Variants in ATF7IP observed in about 807,000 individuals in gnomAD.
ATF7IP encodes the protein activating transcription factor 7-interacting protein 1.
In ATF7IP, 23 loss-of-function variants were observed where a neutral mutation model predicts 106.4. The observed-to-expected ratio is 0.22, with a 90% CI of 0.16 to 0.31. ATF7IP has a LOEUF of 0.31. ATF7IP is among the 10% of genes least tolerant of loss of function. The pLI is 1.00. For synonymous variants in ATF7IP, 542 were observed against 539.0 expected (o/e 1.01, Z -0.08); for missense variants, 1,334 against 1,524.3 (o/e 0.88, Z 2.08).
At chr12:14,370,460 C>G (rs949574615) in intron 1 of ATF7IP, among the ~76,000 whole-genome samples, 1 of 152,064 alleles carries the variant, frequency 6.6e-6, no homozygotes, top group Non-Finnish European at 1.5e-5. Flanking sequence ...TTCTATTTTA[C>G]AATTTTCATA....
Position 14,456,545 on chromosome 12 carries a change from T to G in ATF7IP, c.1996-16T>G, listed in dbSNP as rs1943431969. 4.4e-6 allele frequency: 7 copies of G among 1,598,116 alleles called. No individual in the cohort carries two copies. Among genetic ancestry groups the G allele is most frequent in the Non-Finnish European group, 6.0e-6 (7 of 1,168,610 alleles). On this transcript the variant is annotated splice_polypyrimidine_tract_variant and intron_variant, in intron 6 of 14. Transcript: ENST00000261168. ...GTTGAGTTTTATTTTTACCTTGATTTTTTTTTCTCCCCCAGCATCCACCCA... is the reference window on the plus strand; with the variant it reads ...GTTGAGTTTTATTTTTACCTTGATTGTTTTTTCTCCCCCAGCATCCACCCA...
chr12:14,494,331 ATATG>A (rs1321323850), intron 13 of ATF7IP, among the ~76,000 whole-genome samples: 39 of 90,566 alleles, frequency 4.3e-4, no homozygotes, highest in Middle Eastern at 5.7e-3. Context: ...ATATATATAT[ATATG>A]TGTGTGTGTA....
At chr12:14,475,836 A>G in intron 10 of ATF7IP, 54 bp from the exon 11 acceptor site, 4 of 1,429,078 alleles carry the variant, frequency 2.8e-6, no homozygotes, top group Non-Finnish European at 3.9e-6. Context: ...TCATTTTTTA[A>G]CACGTATATC....
intron 6 of ATF7IP, among the ~76,000 whole-genome samples, chr12:14,451,068 A>G (rs941173821): frequency 2.0e-5 from 3 of 151,782 alleles, no homozygotes; most frequent in African/African-American, 7.3e-5. Context: ...ATTACTGATT[A>G]AGTCTCCTTA....
intron 13 of ATF7IP, among the ~76,000 whole-genome samples, chr12:14,483,236 T>C (rs999152551): frequency 3.9e-5 from 6 of 152,218 alleles, no homozygotes; most frequent in African/African-American, 1.4e-4. Context: ...TTTTTATTGC[T>C]GCCTAAATTG....
At chr12:14,468,996 A>G (rs1943937672) in intron 10 of ATF7IP, among the ~76,000 whole-genome samples, 3 of 152,192 alleles carry the variant, frequency 2.0e-5, no homozygotes, top group South Asian at 2.1e-4. Context: ...TTTAAGTACA[A>G]TTGGCTAACT....
At chr12:14,411,369 A>T (rs1193888806) in intron 1 of ATF7IP, among the ~76,000 whole-genome samples, 2 of 152,096 alleles carry the variant, frequency 1.3e-5, no homozygotes, top group Admixed American at 1.3e-4. Flanking sequence ...GCTGATGACT[A>T]ATGATGTTTA....
intron 1 of ATF7IP, among the ~76,000 whole-genome samples, chr12:14,385,793 A>G (rs1364624590): frequency 6.6e-6 from 1 of 152,118 alleles, no homozygotes; most frequent in East Asian, 1.9e-4. Context: ...TTTTGCACAA[A>G]GACTACAATT....
At chr12:14,458,896 GA>G (rs1232218662) in intron 8 of ATF7IP, among the ~76,000 whole-genome samples, 2 of 151,374 alleles carry the variant, frequency 1.3e-5, no homozygotes, top group African/African-American at 4.8e-5. Context: ...TTGATCATTT[GA>G]AAACTATTCA....
intron 11 of ATF7IP, 98 bp from the exon 12 acceptor site, chr12:14,478,219 A>C (rs1944318733): frequency 8.9e-7 from 1 of 1,127,632 alleles, no homozygotes; most frequent in Admixed American, 1.9e-5. Flanking sequence ...AATGTGACAC[A>C]CAAGTGGCAA....
In ATF7IP at chr12:14,424,126, G is replaced by T; in HGVS notation, c.211G>T (p.Val71Leu). ...GGATTACATTAAAGACAAGGAAGAGGTGAATGGCATTGAAGAGATTTGTTT... is the reference window on the plus strand; with the variant it reads ...GGATTACATTAAAGACAAGGAAGAGTTGAATGGCATTGAAGAGATTTGTTT... ...NMDYIKDKEEVNGIEEICFDP... is the reference protein window; with the variant it reads ...NMDYIKDKEELNGIEEICFDP... The change falls in exon 2 of 15, where the codon GTG becomes TTG. Residue 71 changes from valine (V) to leucine (L), a missense_variant. This residue lies in a region of ATF7IP where 74 missense variants were observed against 101.9 expected (regional missense o/e 0.73). Transcript: ENST00000261168. 1 of 1,614,182 alleles carries T rather than the reference G, an allele frequency of 6.2e-7. No homozygotes were observed. Among genetic ancestry groups the T allele is most frequent in the African/African-American group, 1.3e-5 (1 of 75,042 alleles).
intron 10 of ATF7IP, among the ~76,000 whole-genome samples, chr12:14,472,875 G>C (rs1289046870): frequency 6.6e-6 from 1 of 152,062 alleles, no homozygotes; most frequent in Non-Finnish European, 1.5e-5. Flanking sequence ...AAATACCTGA[G>C]ACTCAGTGAT....
intron 10 of ATF7IP, among the ~76,000 whole-genome samples, chr12:14,470,466 T>C (rs767920256): frequency 3.3e-5 from 5 of 152,206 alleles, no homozygotes; most frequent in Non-Finnish European, 5.9e-5. Context: ...AGACAATGTT[T>C]TGTCAGGAAA....
In ATF7IP at chr12:14,478,320, C is replaced by G. The variant is rs763268952; in HGVS notation, c.2945C>G (p.Pro982Arg). ...DDEESGASQD[P>R]KKLNHTPVST... ...ATATTTCACTTTTAACTAACAGACC[C>G]CAAAAAACTAAATCACACTCCTGTA... The change falls in exon 12 of 15, where the codon CCC becomes CGC. Residue 982 changes from proline (P) to arginine (R), a missense_variant. Physicochemically the swap from Pro to Arg is moderately radical, Grantham distance 103. Coordinates refer to ENST00000261168, the MANE Select transcript of ATF7IP (RefSeq NM_018179.5). 2.1e-5 allele frequency: 34 copies of G among 1,613,398 alleles called. No individual in the cohort carries two copies. Among genetic ancestry groups the G allele is most frequent in the Non-Finnish European group, 2.7e-5 (32 of 1,179,670 alleles).
rs1945165126 is a variant in ATF7IP at position 14,501,759 on chromosome 12, T to C, written c.*3686T>C. On this transcript the variant is annotated 3_prime_UTR_variant, in exon 15 of 15. Transcript: ENST00000261168. Reference sequence around the variant, plus strand: ...GACCTAAAACAGCTGAAATCTTAGGTGCATCTGTCTGCAGACCTCCTTAAG... The same window carrying C: ...GACCTAAAACAGCTGAAATCTTAGGCGCATCTGTCTGCAGACCTCCTTAAG... The C allele has an allele frequency of 6.6e-6, 1 of 152,194 alleles. No individual in the cohort carries two copies. The highest frequency in any genetic ancestry group is 6.5e-5 in the Admixed American group (1 of 15,272). The allele number at this position is 152,194 out of a possible 1,614,324, so 9.4% of individuals were successfully genotyped here. A position where few individuals can be genotyped will look rare whatever the true frequency, so the allele number is the denominator to read the frequency against.
At chr12:14,366,398 C>T (rs1022943403) in intron 1 of ATF7IP, among the ~76,000 whole-genome samples, 1 of 152,176 alleles carries the variant, frequency 6.6e-6, no homozygotes, top group Non-Finnish European at 1.5e-5. Context: ...TTTGCAAATA[C>T]ATTTTTAACC....
At chr12:14,415,371 A>G (rs1473352194) in intron 1 of ATF7IP, among the ~76,000 whole-genome samples, 2 of 152,220 alleles carry the variant, frequency 1.3e-5, no homozygotes, top group Admixed American at 6.5e-5. Flanking sequence ...TTCTGAAAAC[A>G]TAGCACTGAA....
Position 14,481,285 on chromosome 12 carries a change from T to C in ATF7IP, c.3280+100T>C. 5 of 1,095,242 alleles carry C rather than the reference T, an allele frequency of 4.6e-6. No individual in the cohort carries two copies. In the South Asian group the frequency reaches 7.1e-5, roughly 16 times the overall value. The allele number at this position is 1,095,242 out of a possible 1,614,324, so 67.8% of individuals were successfully genotyped here. A position where few individuals can be genotyped will look rare whatever the true frequency, so the allele number is the denominator to read the frequency against. ...TAATGTTAAATTTTGCAAAAATTTC[T>C]TATAATGTCATATTAAAAGTATTGT... On this transcript the variant is annotated intron_variant, in intron 13 of 14. Coordinates refer to ENST00000261168, the MANE Select transcript of ATF7IP (RefSeq NM_018179.5).
intron 1 of ATF7IP, among the ~76,000 whole-genome samples, chr12:14,391,447 A>G (rs1247929731): frequency 2.0e-5 from 3 of 152,186 alleles, no homozygotes; most frequent in South Asian, 4.1e-4. Flanking sequence ...AGTGGAAAAC[A>G]TTAGTATAGA....
Sources: gnomAD v4.1 joint callset for allele counts (sites outside exome capture counted in the v4.1 genomes callset) on GRCh38, gnomAD v4.1.1 for gene constraint, gnomAD v4.1.1 regional missense constraint, MANE v1.5 for transcripts, NCBI Gene and HGNC (gene_info 2026-07-23, HGNC 2026-07-21) for gene names.